The following C3orf70 variants were observed in gnomAD, a reference collection of about 807,000 sequenced individuals.
C3orf70 encodes chromosome 3 open reading frame 70, also known as UPF0524 protein C3orf70.
C3orf70 carries 15 observed loss-of-function variants against 20.7 expected under a neutral mutation model. The observed-to-expected ratio is 0.72, with a 90% CI of 0.48 to 1.11. C3orf70 has a LOEUF of 1.11. C3orf70 is among the 50% of genes most tolerant of loss of function. The pLI is 0.00. For synonymous variants in C3orf70, 161 were observed against 125.7 expected (o/e 1.28, Z -1.88); for missense variants, 332 against 317.6 (o/e 1.05, Z -0.34).
intron 1 of C3orf70, among the ~76,000 whole-genome samples, chr3:185,109,418 C>T (rs774322540): frequency 5.9e-5 from 9 of 152,090 alleles, no homozygotes; most frequent in East Asian, 1.9e-4. Context: ...AGCCAGATGC[C>T]GAGGAAGAGA....
At chr3:185,101,454 T>C (rs9877947) in intron 1 of C3orf70, among the ~76,000 whole-genome samples, 7,897 of 152,182 alleles carry the variant, frequency 0.052, 662 homozygotes, top group African/African-American at 0.18. Context: ...GATGCACGCA[T>C]TCATCCATTC....
At chr3:185,150,791 G>A (rs35603608) in intron 1 of C3orf70, among the ~76,000 whole-genome samples, 1 of 152,134 alleles carries the variant, frequency 6.6e-6, no homozygotes, top group South Asian at 2.1e-4. Flanking sequence ...ATGTTCAGAA[G>A]AGAACAACCA....
chr3:185,110,312 C>T (rs555574031), intron 1 of C3orf70, among the ~76,000 whole-genome samples: 1 of 152,232 alleles, frequency 6.6e-6, no homozygotes, highest in Non-Finnish European at 1.5e-5. Context: ...ATGCCAGGAA[C>T]TGGAGTGCTT....
At chr3:185,143,409 T>C (rs1321899996) in intron 1 of C3orf70, among the ~76,000 whole-genome samples, 1 of 152,172 alleles carries the variant, frequency 6.6e-6, no homozygotes, top group Non-Finnish European at 1.5e-5. Context: ...TATACAGAAG[T>C]ACATCTGTAT....
rs996056959 is a variant in C3orf70 at position 185,080,702 on chromosome 3, T to C, written c.*2305A>G. ...ACACCTGCCTTCAGTGAGCCACTCA[T>C]GCACGGGAGGCACCGAGAACCTCGG... On this transcript the variant is annotated 3_prime_UTR_variant, in exon 2 of 2. Transcript: ENST00000335012. 20 of 152,206 alleles carry C rather than the reference T, an allele frequency of 1.3e-4. No homozygotes were observed. Among genetic ancestry groups the C allele is most frequent in the African/African-American group, 4.6e-4 (19 of 41,536 alleles). The allele number at this position is 152,206 out of a possible 1,614,324, so 9.4% of individuals were successfully genotyped here.
chr3:185,125,409 AACAACAACAACAAC>A (rs1716386577), intron 1 of C3orf70, among the ~76,000 whole-genome samples: 2 of 151,982 alleles, frequency 1.3e-5, no homozygotes, highest in South Asian at 4.2e-4. Flanking sequence ...CAACAACAAC[AACAACAACAACAAC>A]AACAACAAAA....
In C3orf70 at chr3:185,077,055, G is replaced by A. The variant is rs1398892045; in HGVS notation, c.*5952C>T. Among the ~76,000 whole-genome samples the A allele has an allele frequency of 6.6e-6, 1 of 152,152 alleles. No individual in the cohort carries two copies. Among genetic ancestry groups the A allele is most frequent in the African/African-American group, 2.4e-5 (1 of 41,430 alleles). On this transcript the variant is annotated 3_prime_UTR_variant, in exon 2 of 2. Coordinates refer to ENST00000335012, the MANE Select transcript of C3orf70 (RefSeq NM_001025266.3). ...AGAGCTAGTCTTGAATGCTAGTCAAGAGGTGATTAAACATGGAAGAAGCAA... is the reference window on the plus strand; with the variant it reads ...AGAGCTAGTCTTGAATGCTAGTCAAAAGGTGATTAAACATGGAAGAAGCAA...
At chr3:185,114,410 AAT>A (rs1421586314) in intron 1 of C3orf70, among the ~76,000 whole-genome samples, 2 of 152,190 alleles carry the variant, frequency 1.3e-5, no homozygotes, top group Non-Finnish European at 2.9e-5. Context: ...CTATCATGTA[AAT>A]ATGTTTTTAG....
intron 1 of C3orf70, among the ~76,000 whole-genome samples, chr3:185,108,877 C>T (rs796933748): frequency 6.6e-6 from 1 of 152,220 alleles, no homozygotes; most frequent in African/African-American, 2.4e-5. Flanking sequence ...GTCTGGGCTA[C>T]ATGCCAATCA....
chr3:185,092,732 C>T (rs1040504169), intron 1 of C3orf70, among the ~76,000 whole-genome samples: 1 of 152,160 alleles, frequency 6.6e-6, no homozygotes, highest in African/African-American at 2.4e-5. Context: ...GTGGCTCATA[C>T]CTGTAATCCC....
chr3:185,143,609 T>C (rs948180530), intron 1 of C3orf70, among the ~76,000 whole-genome samples: 2 of 152,024 alleles, frequency 1.3e-5, no homozygotes, highest in Admixed American at 6.6e-5. Context: ...AAAATTGAAG[T>C]ATAAGAGAAA....
chr3:185,103,197 A>G (rs1715856436), intron 1 of C3orf70, among the ~76,000 whole-genome samples: 1 of 152,210 alleles, frequency 6.6e-6, no homozygotes, highest in South Asian at 2.1e-4. Flanking sequence ...GTGAACAGAG[A>G]TTGTGCCACT....
At position 185,080,919 on chromosome 3, in the gene C3orf70, A is replaced by G. The variant is rs2108584509; in HGVS notation, c.*2088T>C. 1 of 152,340 alleles carries G rather than the reference A, an allele frequency of 6.6e-6. No individual in the cohort carries two copies. The highest frequency in any genetic ancestry group is 2.4e-5 in the African/African-American group (1 of 41,582). The allele number at this position is 152,340 out of a possible 1,614,324, so 9.4% of individuals were successfully genotyped here. On this transcript the variant is annotated 3_prime_UTR_variant, in exon 2 of 2. Transcript: ENST00000335012. ...ACTTTATGCCGCATTCTCATTTAGCATAGAAAGTTTTAACTCATACTGTTT... is the reference window on the plus strand; with the variant it reads ...ACTTTATGCCGCATTCTCATTTAGCGTAGAAAGTTTTAACTCATACTGTTT...
intron 1 of C3orf70, among the ~76,000 whole-genome samples, chr3:185,149,316 C>T (rs558522512): frequency 2.0e-5 from 3 of 147,830 alleles, no homozygotes; most frequent in African/African-American, 7.4e-5. Context: ...CACTTGAACC[C>T]GGGAGGTGGA....
intron 1 of C3orf70, among the ~76,000 whole-genome samples, chr3:185,087,093 ACTT>A (rs1362844065): frequency 6.6e-6 from 1 of 152,238 alleles, no homozygotes; most frequent in African/African-American, 2.4e-5. Context: ...AAATGAACAC[ACTT>A]CTTCAACAGC....
In C3orf70 at chr3:185,083,532, C is replaced by T. The variant is rs200901236; in HGVS notation, c.228G>A (p.Val76=). 46 of 1,610,178 alleles carry T rather than the reference C, an allele frequency of 2.9e-5. No individual in the cohort carries two copies. Among genetic ancestry groups the T allele is most frequent in the Non-Finnish European group, 3.8e-5 (45 of 1,178,780 alleles). Residue 76 remains valine, a synonymous_variant, in exon 2 of 2, where the codon GTG becomes GTA. Transcript: ENST00000335012. ...GAATCTCAGTGCTTGGAAGCTGTTC[C>T]ACAGGGGTCATAGGCTGATACATGT... is the stretch of plus-strand genomic sequence containing the variant. ...CKYMYQPMTP[V]EQLPSTEIPA...
At chr3:185,125,983 TTA>T (rs149470179) in intron 1 of C3orf70, among the ~76,000 whole-genome samples, 1,632 of 152,276 alleles carry the variant, frequency 0.011, 37 homozygotes, top group African/African-American at 0.038. Context: ...AGTTACACAA[TTA>T]TATATGTTTG....
At chr3:185,125,490 C>T (rs1014696121) in intron 1 of C3orf70, among the ~76,000 whole-genome samples, 3 of 152,110 alleles carry the variant, frequency 2.0e-5, no homozygotes, top group Non-Finnish European at 4.4e-5. Flanking sequence ...CTAGTAGTCC[C>T]CATTCCTAGG....
At position 185,082,108 on chromosome 3, in the gene C3orf70, A is replaced by G. The variant is rs1715353614; in HGVS notation, c.*899T>C. The G allele has an allele frequency of 6.6e-6, 1 of 152,164 alleles. No individual in the cohort carries two copies. The highest frequency in any genetic ancestry group is 2.4e-5 in the African/African-American group (1 of 41,440). The allele number at this position is 152,164 out of a possible 1,614,324, so 9.4% of individuals were successfully genotyped here. A position where few individuals can be genotyped will look rare whatever the true frequency, so the allele number is the denominator to read the frequency against. ...ACTTGAAGAACAATTAAAAGCAGAA[A>G]AATGTTGGGGAACCCACCAAGAAGC... On this transcript the variant is annotated 3_prime_UTR_variant, in exon 2 of 2. Transcript: ENST00000335012.
Sources: gnomAD v4.1 joint callset for allele counts (sites outside exome capture counted in the v4.1 genomes callset) on GRCh38, gnomAD v4.1.1 for gene constraint, MANE v1.5 for transcripts, NCBI Gene and HGNC (gene_info 2026-07-23, HGNC 2026-07-21) for gene names.